The following EP400 variants were observed in gnomAD, a reference collection of about 807,000 sequenced individuals.
EP400 encodes E1A binding protein p400.
Under a neutral mutation model 354.1 loss-of-function variants are expected in EP400, and 105 were observed. The ratio of observed to expected loss-of-function variants is 0.30; its 90% confidence interval spans 0.25 to 0.35. EP400 has a LOEUF of 0.35. EP400 is among the 10% of genes least tolerant of loss of function. The pLI is 1.00. For missense variants in EP400, 3,280 were observed against 4,121.0 expected (o/e 0.80, Z 5.59); for synonymous variants, 1,646 against 1,716.9 (o/e 0.96, Z 1.02).
chr12:132,067,103 C>G lies in EP400; in HGVS notation c.8749+134C>G, dbSNP rs1219421104. 7 of 1,249,776 alleles carry G rather than the reference C, an allele frequency of 5.6e-6. No individual in the cohort carries two copies. Among genetic ancestry groups the G allele is most frequent in the Non-Finnish European group, 7.5e-6 (7 of 931,968 alleles). The allele number at this position is 1,249,776 out of a possible 1,614,324, so 77.4% of individuals were successfully genotyped here. Reference sequence around the variant, plus strand: ...TTGAGCGTGCCATCACGTGTTCTAGCACAAACGTGCCTTGGCGCTTTCCAG... The same window carrying G: ...TTGAGCGTGCCATCACGTGTTCTAGGACAAACGTGCCTTGGCGCTTTCCAG... On this transcript the variant is annotated intron_variant, in intron 49 of 52. Transcript: ENST00000389561. The surrounding 1 kb of genome is among the most constrained non-coding windows in gnomAD (Gnocchi z 5.3).
chr12:131,995,966 G>A (rs1305882334), intron 12 of EP400, among the ~76,000 whole-genome samples: 1 of 152,096 alleles, frequency 6.6e-6, no homozygotes, highest in Non-Finnish European at 1.5e-5. Context: ...TGAATGTACC[G>A]TTCATCCTGA....
intron 19 of EP400, among the ~76,000 whole-genome samples, chr12:132,014,937 C>T (rs1330351249): frequency 6.6e-6 from 1 of 152,184 alleles, no homozygotes; most frequent in Non-Finnish European, 1.5e-5. Flanking sequence ...CCTGGGTCTC[C>T]CTCTCTGTGC....
chr12:132,033,387 T>C (rs1263980499), intron 30 of EP400, among the ~76,000 whole-genome samples: 2 of 152,234 alleles, frequency 1.3e-5, no homozygotes. Flanking sequence ...GCTTATTTTA[T>C]GCCTGGTTGT....
intron 22 of EP400, among the ~76,000 whole-genome samples, 188 bp from the exon 23 acceptor site, chr12:132,020,891 C>G (rs2136542495): frequency 6.6e-6 from 1 of 152,356 alleles, no homozygotes. Context: ...AGATAATTAT[C>G]AACAAGTAAA....
chr12:131,992,370 C>G (rs1893068984), intron 11 of EP400, 140 bp downstream of exon 11: 1 of 775,444 alleles, frequency 1.3e-6, no homozygotes, highest in Non-Finnish European at 2.1e-6. Flanking sequence ...AGATGTCTCT[C>G]AGTGTATAGA....
rs749922761 is a variant in EP400, at chr12:131,991,408, G to T, written c.2631G>T (p.Gly877=). ...GAACTGTGCTCCTTGTCTCTCTAGG[G>T]AAAGAATTGAGACCTAAAGGATTTG... ...ALNLQKVSRR[G]KELRPKGFDA... Residue 877 remains glycine, a splice_region_variant and synonymous_variant, in exon 10 of 53, where the codon GGG becomes GGT. Coordinates refer to ENST00000389561, the MANE Select transcript of EP400 (RefSeq NM_015409.5). The T allele has an allele frequency of 6.2e-7, 1 of 1,613,908 alleles. No individual in the cohort carries two copies. Among genetic ancestry groups the T allele is most frequent in the Non-Finnish European group, 8.5e-7 (1 of 1,179,916 alleles).
chr12:132,013,386 G>T lies in EP400; in HGVS notation c.3612-104G>T. 6.9e-7 allele frequency: 1 copy of T among 1,441,106 alleles called. No individual in the cohort carries two copies. 89.3% of individuals were successfully genotyped at this position (1,441,106 alleles called of 1,614,324 possible). ...AGGCATGTGCACGTTGACATTTGCG[G>T]TGTCAAATTACTGTCCCTTTTCTCA... On this transcript the variant is annotated intron_variant, in intron 17 of 52. Transcript: ENST00000389561. This position sits in a 1 kb window ranked among gnomAD's most constrained non-coding sequence, Gnocchi z 4.5.
intron 15 of EP400, among the ~76,000 whole-genome samples, chr12:132,010,707 C>T (rs976534362): frequency 3.3e-5 from 5 of 152,110 alleles, no homozygotes; most frequent in African/African-American, 4.8e-5. Context: ...GTTGGGAGGC[C>T]GAGGTAGGCG....
intron 38 of EP400, 32 bp from the exon 39 acceptor site, chr12:132,045,695 T>A: frequency 6.2e-7 from 1 of 1,612,698 alleles, no homozygotes; most frequent in South Asian, 1.1e-5. Flanking sequence ...TAGAGTGTAT[T>A]CACCTGTTTT....
intron 1 of EP400, among the ~76,000 whole-genome samples, chr12:131,954,062 G>C (rs1212514270): frequency 6.6e-6 from 1 of 152,138 alleles, no homozygotes; most frequent in Non-Finnish European, 1.5e-5. Flanking sequence ...GCAGTGAGCT[G>C]AGATTGCGCC....
At chr12:131,991,540 G>T (rs1893033198) in intron 10 of EP400, 84 bp downstream of exon 10, 2 of 1,206,534 alleles carry the variant, frequency 1.7e-6, no homozygotes, top group Non-Finnish European at 2.4e-6. Context: ...TTATCCAGAG[G>T]AATTTGTAGG....
chr12:131,986,986 G>T (rs1892876246), intron 6 of EP400, among the ~76,000 whole-genome samples, 179 bp downstream of exon 6: 1 of 152,210 alleles, frequency 6.6e-6, no homozygotes, highest in Admixed American at 6.5e-5. Flanking sequence ...CAGACTCATG[G>T]GGGCAGTCTG....
At chr12:132,055,690 TGTGAA>T (rs1158878605) in intron 45 of EP400, among the ~76,000 whole-genome samples, 1 of 141,304 alleles carries the variant, frequency 7.1e-6, no homozygotes, top group Non-Finnish European at 1.5e-5. Flanking sequence ...GGGGGGCGTG[TGTGAA>T]GTGTAGGGGT....
At chr12:132,043,568 G>A in intron 33 of EP400, 77 bp from the exon 34 acceptor site, 1 of 1,577,758 alleles carries the variant, frequency 6.3e-7, no homozygotes, top group Non-Finnish European at 8.6e-7. Context: ...TCAAATGTTG[G>A]TTAGTGGATT....
intron 1 of EP400, among the ~76,000 whole-genome samples, chr12:131,954,726 G>GAAAAAAAA (rs35935376): frequency 2.3e-4 from 19 of 83,736 alleles, no homozygotes; most frequent in Admixed American, 7.0e-4. Context: ...CTCCATCTCA[G>GAAAAAAAA]AAAAAAAAAA....
At chr12:132,041,834 C>T (rs1894921432) in intron 32 of EP400, among the ~76,000 whole-genome samples, 1 of 151,990 alleles carries the variant, frequency 6.6e-6, no homozygotes, top group Admixed American at 6.6e-5. Flanking sequence ...TTGCTGTTGA[C>T]TGATGAGTTT....
intron 21 of EP400, among the ~76,000 whole-genome samples, chr12:132,019,734 C>T (rs773136224): frequency 2.1e-4 from 32 of 152,288 alleles, no homozygotes; most frequent in Non-Finnish European, 3.5e-4. Context: ...GTAATAGATG[C>T]GTTGTTTTCT....
intron 12 of EP400, among the ~76,000 whole-genome samples, chr12:132,000,451 C>A (rs1343081574): frequency 6.6e-6 from 1 of 152,166 alleles, no homozygotes; most frequent in Non-Finnish European, 1.5e-5. Flanking sequence ...TGGTACAATT[C>A]TCTCTCTCAG....
At position 132,052,227 on chromosome 12, in the gene EP400, C is replaced by A. The variant is rs562248737; in HGVS notation, c.7395-919C>A. ...AGCTCGTGTCCTTGGTCTCTTGCCT[C>A]GGCACCTGAGTGGCTTGCCGCCCAC... On this transcript the variant is annotated intron_variant, in intron 41 of 52. Coordinates refer to ENST00000389561, the MANE Select transcript of EP400 (RefSeq NM_015409.5). The surrounding 1 kb of genome is among the most constrained non-coding windows in gnomAD (Gnocchi z 4.4). 1.7e-4 allele frequency among the ~76,000 whole-genome samples: 26 copies of A among 152,342 alleles called. No individual in the cohort carries two copies. Among genetic ancestry groups the A allele is most frequent in the African/African-American group, 5.8e-4 (24 of 41,580 alleles).
Sources: gnomAD v4.1 joint callset for allele counts (sites outside exome capture counted in the v4.1 genomes callset) on GRCh38, gnomAD v4.1.1 for gene constraint, Gnocchi (gnomAD v3.1) non-coding constraint, MANE v1.5 for transcripts, NCBI Gene and HGNC (gene_info 2026-07-23, HGNC 2026-07-21) for gene names.